The following LAMP3 variants were observed in gnomAD, a reference collection of about 807,000 sequenced individuals.
LAMP3 encodes the protein lysosome associated membrane protein 3.
Under a neutral mutation model 34.8 loss-of-function variants are expected in LAMP3, and 26 were observed. That is an observed-to-expected ratio of 0.75 (90% CI 0.55 to 1.04). LAMP3 has a LOEUF of 1.04. Among genes scored for constraint, LAMP3 ranks in the 50% least tolerant of loss-of-function variants. The pLI, the probability that LAMP3 is intolerant of heterozygous loss-of-function variation, is 0.00. For missense variants in LAMP3, 495 were observed against 524.0 expected (o/e 0.94, Z 0.54); for synonymous variants, 180 against 201.9 (o/e 0.89, Z 0.92).
At chr3:183,129,851 A>T (rs1483533364) in intron 5 of LAMP3, among the ~76,000 whole-genome samples, 3 of 152,234 alleles carry the variant, frequency 2.0e-5, no homozygotes, top group Non-Finnish European at 4.4e-5. Flanking sequence ...GTATTAGGAC[A>T]CAGGGTCTTT....
At chr3:183,136,276 G>T (rs1052700405) in intron 4 of LAMP3, among the ~76,000 whole-genome samples, 4 of 152,144 alleles carry the variant, frequency 2.6e-5, no homozygotes, top group African/African-American at 9.7e-5. Context: ...GAAAGTCACA[G>T]AACCCTTAAT....
rs1366216163 is a variant in LAMP3 at position 183,154,126 on chromosome 3, G to A, written c.315C>T (p.Val105=). The stretch of plus-strand genomic sequence containing the variant: ...AGTTGTTGGGTGTGGCCTGGGTTGT[G>A]ACCAGGGTGTAGGTAATTGGGCTGG... ...ATTSPITYTL[V]TTQATPNNSH... Residue 105 remains valine (V), a synonymous_variant, in exon 2 of 6, where the codon GTC becomes GTT. Transcript: ENST00000265598. The A allele has an allele frequency of 6.2e-7, 1 of 1,614,150 alleles. No individual in the cohort carries two copies. Among genetic ancestry groups the A allele is most frequent in the South Asian group, 1.1e-5 (1 of 91,068 alleles).
chr3:183,155,146 G>A (rs1720787676), intron 1 of LAMP3, among the ~76,000 whole-genome samples: 1 of 152,124 alleles, frequency 6.6e-6, no homozygotes, highest in South Asian at 2.1e-4. Flanking sequence ...AACTCATCTT[G>A]TGATCCGCCT....
At position 183,148,860 on chromosome 3, in the gene LAMP3, A is replaced by G. The variant is rs1191075159; in HGVS notation, c.888+3515T>C. Among the ~76,000 whole-genome samples the G allele has an allele frequency of 3.9e-5, 6 of 152,334 alleles. No homozygotes were observed. In the South Asian group the frequency reaches 6.2e-4, roughly 16 times the overall value. On this transcript the variant is annotated intron_variant, in intron 3 of 5. Transcript: ENST00000265598. ...TGCTAGATATATACCCCAAAGAAAG[A>G]AAATCAGTATATCGAAGCGATCTGC...
intron 5 of LAMP3, chr3:183,132,847 C>T (rs781102661): frequency 3.3e-5 from 33 of 985,456 alleles, no homozygotes; most frequent in Non-Finnish European, 3.9e-5. Context: ...TACTGGGCCT[C>T]TTTCTGGCCA....
chr3:183,136,808 T>C (rs1399016450), intron 4 of LAMP3, among the ~76,000 whole-genome samples: 1 of 151,996 alleles, frequency 6.6e-6, no homozygotes, highest in East Asian at 1.9e-4. Context: ...GTACACCCTG[T>C]TCAAGGAAGT....
intron 1 of LAMP3, among the ~76,000 whole-genome samples, chr3:183,158,659 G>C (rs1334238058): frequency 1.3e-5 from 2 of 152,096 alleles, no homozygotes; most frequent in African/African-American, 4.8e-5. Flanking sequence ...AGTCCCCTGA[G>C]AAAGTCAGTG....
At chr3:183,149,664 TAG>T (rs1268762447) in intron 3 of LAMP3, among the ~76,000 whole-genome samples, 2 of 138,990 alleles carry the variant, frequency 1.4e-5, no homozygotes, top group Admixed American at 7.5e-5. Flanking sequence ...GATAGCACAA[TAG>T]AGTGACTGAA....
At chr3:183,132,097 A>G (rs1284635994) in intron 5 of LAMP3, 9 of 985,288 alleles carry the variant, frequency 9.1e-6, no homozygotes, top group South Asian at 9.4e-5. Flanking sequence ...AGAAAAGCCG[A>G]CAAACCCGGA....
intron 4 of LAMP3, among the ~76,000 whole-genome samples, chr3:183,138,575 A>G (rs1720171363): frequency 6.6e-6 from 1 of 152,226 alleles, no homozygotes; most frequent in Non-Finnish European, 1.5e-5. Context: ...TCTGAGAGAC[A>G]TCTTGTGTGA....
At chr3:183,141,327 T>A (rs1290752081) in intron 3 of LAMP3, among the ~76,000 whole-genome samples, 1 of 152,184 alleles carries the variant, frequency 6.6e-6, no homozygotes, top group Non-Finnish European at 1.5e-5. Context: ...CTAGGAATTA[T>A]CTTTCCAGAA....
At chr3:183,125,667 G>A (rs913805821) in intron 5 of LAMP3, among the ~76,000 whole-genome samples, 4 of 152,116 alleles carry the variant, frequency 2.6e-5, no homozygotes, top group Non-Finnish European at 5.9e-5. Context: ...TGTATCTTGG[G>A]GCAGGGAGGC....
intron 1 of LAMP3, among the ~76,000 whole-genome samples, chr3:183,159,411 G>C (rs1394315399): frequency 2.0e-5 from 3 of 152,224 alleles, no homozygotes; most frequent in African/African-American, 7.2e-5. Flanking sequence ...GAAGGGAGGG[G>C]TGAGGAGGGG....
intron 5 of LAMP3, among the ~76,000 whole-genome samples, chr3:183,129,548 T>G (rs1719859127): frequency 6.6e-6 from 1 of 152,162 alleles, no homozygotes; most frequent in South Asian, 2.1e-4. Flanking sequence ...TCCTCCCTAT[T>G]TATTCTGCCT....
intron 4 of LAMP3, among the ~76,000 whole-genome samples, chr3:183,138,102 C>T (rs1049252800): frequency 2.0e-5 from 3 of 152,130 alleles, no homozygotes; most frequent in Non-Finnish European, 4.4e-5. Flanking sequence ...GTATTACAGG[C>T]GTGAACCACT....
At chr3:183,156,364 A>AAACAACAACAACAACAACAACAAC (rs10663850) in intron 1 of LAMP3, among the ~76,000 whole-genome samples, 2 of 151,034 alleles carry the variant, frequency 1.3e-5, no homozygotes, top group African/African-American at 4.9e-5. Flanking sequence ...GCTGTCTCAA[A>AAACAACAACAACAACAACAACAAC]AACAACAACA....
intron 4 of LAMP3, among the ~76,000 whole-genome samples, chr3:183,139,472 C>T (rs1162018276): frequency 6.6e-6 from 1 of 152,068 alleles, no homozygotes; most frequent in African/African-American, 2.4e-5. Flanking sequence ...CCCAAGACCC[C>T]CAGTGTACCA....
rs774110390 is a variant in LAMP3, at chr3:183,122,983, T to G, written c.*1098A>C. 5 of 152,224 alleles carry G rather than the reference T, an allele frequency of 3.3e-5. No individual in the cohort carries two copies. Among genetic ancestry groups the G allele is most frequent in the Non-Finnish European group, 5.9e-5 (4 of 68,040 alleles). The allele number at this position is 152,224 out of a possible 1,614,324, so 9.4% of individuals were successfully genotyped here. ...TGACATTTAAGTGATTCAGTTCCCT[T>G]AAGTCTCAGTTTACTCATTCACCTA... is the stretch of plus-strand genomic sequence containing the variant. On this transcript the variant is annotated 3_prime_UTR_variant, in exon 6 of 6. Coordinates refer to ENST00000265598, the MANE Select transcript of LAMP3 (RefSeq NM_014398.4).
At chr3:183,140,733 T>C (rs1277503042) in intron 3 of LAMP3, 138 bp from the exon 4 acceptor site, 5 of 552,900 alleles carry the variant, frequency 9.0e-6, no homozygotes, top group South Asian at 7.7e-5. Flanking sequence ...TGGGTCATAA[T>C]TGTGTATGAA....
Sources: allele counts gnomAD v4.1 joint callset (sites outside exome capture counted in the v4.1 genomes callset), GRCh38; gene constraint gnomAD v4.1.1; transcripts MANE v1.5; gene names NCBI Gene and HGNC (gene_info 2026-07-23, HGNC 2026-07-21).